PRPF6: variants seen among roughly 807,000 people sequenced by gnomAD.
PRPF6 encodes pre-mRNA processing factor 6, also known as pre-mRNA-processing factor 6.
PRPF6 carries 42 observed loss-of-function variants against 118.3 expected under a neutral mutation model. The ratio of observed to expected loss-of-function variants is 0.35; its 90% CI spans 0.28 to 0.46. The LOEUF is 0.46. PRPF6 is among the 20% of genes least tolerant of loss of function. The pLI, the probability that PRPF6 is intolerant of heterozygous loss-of-function variation, is 1.00. For synonymous variants in PRPF6, 481 were observed against 485.1 expected, an observed-to-expected ratio of 0.99 and a Z score of 0.11; for missense variants, 662 against 1,255.7, an observed-to-expected ratio of 0.53 and a Z score of 7.15.
chr20:64,001,693 T>C (rs1250060296), intron 9 of PRPF6, among the ~76,000 whole-genome samples: 3 of 152,256 alleles, frequency 2.0e-5, no homozygotes, highest in East Asian at 1.9e-4. Context: ...TTGAACTCTT[T>C]CCTGCTGCTG....
chr20:63,999,523 GA>G, intron 7 of PRPF6, 79 bp from the exon 8 acceptor site: 1 of 1,559,312 alleles, frequency 6.4e-7, no homozygotes, highest in Non-Finnish European at 8.8e-7. Context: ...TTGTGACTGT[GA>G]AGTGGGTGCC....
In PRPF6 at chr20:64,001,068, G is replaced by A. The variant is rs1451108734; in HGVS notation, c.1024-9G>A. ...CTGAGCCTTATTGGTCTTATCTCTT[G>A]CCTCACAGAGTGAAGATGTCTGGCT... On this transcript the variant is annotated splice_polypyrimidine_tract_variant and intron_variant, in intron 8 of 20. Transcript: ENST00000266079. 2 of 1,613,780 alleles carry A rather than the reference G, an allele frequency of 1.2e-6. No individual in the cohort carries two copies. Among genetic ancestry groups the A allele is most frequent in the Non-Finnish European group, 1.7e-6 (2 of 1,179,954 alleles).
chr20:63,986,767 C>G (rs1476489783), intron 3 of PRPF6, among the ~76,000 whole-genome samples: 1 of 151,760 alleles, frequency 6.6e-6, no homozygotes, highest in African/African-American at 2.4e-5. Flanking sequence ...GGATTACAGG[C>G]GTGAGCCACT....
At position 63,995,361 on chromosome 20, in the gene PRPF6, G is replaced by T. The variant is rs1450785230; in HGVS notation, c.650G>T (p.Gly217Val). The T allele has an allele frequency of 3.7e-6, 6 of 1,613,744 alleles. No individual in the cohort carries two copies. The highest frequency in any genetic ancestry group is 2.2e-5 in the East Asian group (1 of 44,872). Reference sequence around the variant, plus strand: ...GGTCTTAACACACCCTATCCAGGTGGACTAAACACTCCATACCCAGGTGGA... The same window carrying T: ...GGTCTTAACACACCCTATCCAGGTGTACTAAACACTCCATACCCAGGTGGA... The part of the protein sequence containing the change: ...FGGLNTPYPG[G>V]LNTPYPGGMT... Residue 217 changes from glycine (G) to valine (V), a missense_variant, in exon 6 of 21, where the codon GGA becomes GTA. This residue lies in a region of PRPF6 where 97 missense variants were observed against 122.6 expected (regional missense o/e 0.79). Transcript: ENST00000266079.
chr20:64,007,424 T>TCCCC (rs2059195616), intron 9 of PRPF6, among the ~76,000 whole-genome samples: 1 of 99,086 alleles, frequency 1.0e-5, no homozygotes, highest in African/African-American at 3.9e-5. Flanking sequence ...CCGCCTCCGC[T>TCCCC]TCCCTCCCCG....
At chr20:64,007,398 T>A (rs1305059267) in intron 9 of PRPF6, among the ~76,000 whole-genome samples, 1 of 76,968 alleles carries the variant, frequency 1.3e-5, no homozygotes, top group African/African-American at 5.1e-5. Flanking sequence ...CTGCCTCCCG[T>A]CCCCTCTTCC....
At chr20:64,005,554 G>A (rs1389838414) in intron 9 of PRPF6, among the ~76,000 whole-genome samples, 2 of 151,920 alleles carry the variant, frequency 1.3e-5, no homozygotes, top group Non-Finnish European at 2.9e-5. Context: ...GCTTGGTCAG[G>A]GTTCTTGACC....
In PRPF6 at chr20:64,028,972, A is replaced by G. The variant is rs1211357045; in HGVS notation, c.2431+403A>G. Among the ~76,000 whole-genome samples the G allele has an allele frequency of 6.6e-6, 1 of 152,154 alleles. No individual in the cohort carries two copies. Among genetic ancestry groups the G allele is most frequent in the East Asian group, 1.9e-4 (1 of 5,198 alleles). On this transcript the variant is annotated intron_variant, in intron 18 of 20. Coordinates refer to ENST00000266079, the MANE Select transcript of PRPF6 (RefSeq NM_012469.4). The surrounding 1 kb of genome is among the most constrained non-coding windows in gnomAD (Gnocchi z 6.5). ...GTCCAGGAGTCCATTGCTTGAGACC[A>G]GCCTGGCCAACATGGTGAAACCCCG...
chr20:64,021,362 C>G (rs2059261996), intron 12 of PRPF6, among the ~76,000 whole-genome samples: 1 of 125,702 alleles, frequency 8.0e-6, no homozygotes, highest in Non-Finnish European at 1.6e-5. Flanking sequence ...TGTGCGTGTG[C>G]ATGTGTGTGC....
In PRPF6 at chr20:63,996,167, C is replaced by T. The variant is rs181562316; in HGVS notation, c.771+685C>T. On this transcript the variant is annotated intron_variant, in intron 6 of 20. Transcript: ENST00000266079. ...TGGCCTGGCCAACATGGTGAAACCCCGTCTCTACTAAAAATACAGAAATTG... is the reference window on the plus strand; with the variant it reads ...TGGCCTGGCCAACATGGTGAAACCCTGTCTCTACTAAAAATACAGAAATTG... 2.6e-5 allele frequency among the ~76,000 whole-genome samples: 4 copies of T among 151,866 alleles called. No homozygotes were observed. The East Asian group carries it at 5.9e-4, about 22-fold the overall frequency.
At chr20:64,022,347 G>A (rs984676645) in intron 12 of PRPF6, among the ~76,000 whole-genome samples, 2 of 152,046 alleles carry the variant, frequency 1.3e-5, no homozygotes, top group Non-Finnish European at 2.9e-5. Context: ...TGACTCTGTC[G>A]CCCAGGCTGG....
intron 9 of PRPF6, among the ~76,000 whole-genome samples, chr20:64,009,055 C>A (rs372467605): frequency 6.6e-6 from 1 of 152,074 alleles, no homozygotes; most frequent in Admixed American, 6.5e-5. Context: ...GAGGCCGAGG[C>A]GGGCGGATCA....
chr20:64,010,321 G>C lies in PRPF6; in HGVS notation c.1305+3G>C. 1 of 1,611,978 alleles carries C rather than the reference G, an allele frequency of 6.2e-7. No individual in the cohort carries two copies. The highest frequency in any genetic ancestry group is 1.1e-5 in the South Asian group (1 of 91,080). ...AGTGCTGCCCCACCAGCGTGGAGGT[G>C]AGTCTGGCGGGCTCAGGGCCACCAG... is the stretch of plus-strand genomic sequence containing the variant. On this transcript the variant is annotated splice_donor_region_variant and intron_variant, in intron 10 of 20. Coordinates refer to ENST00000266079, the MANE Select transcript of PRPF6 (RefSeq NM_012469.4).
chr20:64,026,086 GT>G lies in PRPF6; in HGVS notation c.2028+29del, dbSNP rs748579042. The stretch of plus-strand genomic sequence containing the variant: ...ACGCAGTGGCAGGCAGGGCTGGGCC[GT>G]CTGGGGTGCATGGTGTGCACATGCG... On this transcript the variant is annotated intron_variant, in intron 15 of 20. Coordinates refer to ENST00000266079, the MANE Select transcript of PRPF6 (RefSeq NM_012469.4). This position sits in a 1 kb window ranked among gnomAD's most constrained non-coding sequence, Gnocchi z 4.4. The G allele has an allele frequency of 6.3e-7, 1 of 1,598,702 alleles. No homozygotes were observed. The highest frequency in any genetic ancestry group is 8.5e-7 in the Non-Finnish European group (1 of 1,179,424).
intron 11 of PRPF6, among the ~76,000 whole-genome samples, chr20:64,014,556 C>T (rs2059229001): frequency 6.6e-6 from 1 of 152,036 alleles, no homozygotes; most frequent in Non-Finnish European, 1.5e-5. Context: ...ACTCGGGAGG[C>T]TGAGGCAGGA....
intron 9 of PRPF6, among the ~76,000 whole-genome samples, chr20:64,003,634 C>T (rs1015769364): frequency 2.0e-5 from 3 of 152,160 alleles, no homozygotes; most frequent in East Asian, 1.9e-4. Flanking sequence ...CTCGCTCTGT[C>T]GCCCAGCCTG....
At chr20:64,018,216 G>C (rs548477527) in intron 12 of PRPF6, among the ~76,000 whole-genome samples, 1 of 152,270 alleles carries the variant, frequency 6.6e-6, no homozygotes, top group South Asian at 2.1e-4. Context: ...AGTCTCACCC[G>C]TTGTCTCTGT....
intron 9 of PRPF6, among the ~76,000 whole-genome samples, chr20:64,002,899 C>T (rs1265321675): frequency 8.6e-5 from 13 of 151,388 alleles, no homozygotes; most frequent in African/African-American, 3.2e-4. Flanking sequence ...CCACCTCGAC[C>T]TCCCAAAGTG....
chr20:64,003,849 C>T (rs369059912), intron 9 of PRPF6, among the ~76,000 whole-genome samples: 9 of 152,274 alleles, frequency 5.9e-5, no homozygotes, highest in South Asian at 4.1e-4. Context: ...CCACCCGCCT[C>T]GGCCTCTCAA....
Sources: gnomAD v4.1 joint callset for allele counts (sites outside exome capture counted in the v4.1 genomes callset) on GRCh38, gnomAD v4.1.1 for gene constraint, gnomAD v4.1.1 regional missense constraint, Gnocchi (gnomAD v3.1) non-coding constraint, MANE v1.5 for transcripts, NCBI Gene and HGNC (gene_info 2026-07-23, HGNC 2026-07-21) for gene names.